Variants in STK4 observed in about 807,000 individuals in gnomAD.
STK4 encodes the protein serine/threonine-protein kinase 4.
STK4 carries 30 observed loss-of-function variants against 64.9 expected under a neutral mutation model. That is an observed-to-expected ratio of 0.46 (90% CI 0.35 to 0.63). The LOEUF (loss-of-function observed/expected upper bound fraction) is 0.63. Ranked by LOEUF, STK4 falls within the 20% of genes least tolerant of loss-of-function variation. The pLI is 0.01. For missense variants in STK4, 466 were observed against 598.5 expected, an observed-to-expected ratio of 0.78 and a Z score of 2.31; for synonymous variants, 177 against 199.0, an observed-to-expected ratio of 0.89 and a Z score of 0.93.
intron 2 of STK4, chr20:44,973,557 A>G (rs767667577): frequency 2.6e-5 from 4 of 152,276 alleles, no homozygotes; most frequent in Non-Finnish European, 5.9e-5. Context: ...CTCATAAGTT[A>G]TACTTAGAAT....
At chr20:45,043,536 G>A (rs2068646038) in intron 10 of STK4, among the ~76,000 whole-genome samples, 1 of 152,084 alleles carries the variant, frequency 6.6e-6, no homozygotes, top group Admixed American at 6.5e-5. Context: ...GAACCCATAG[G>A]ATACATTTTG....
At chr20:44,981,761 C>G (rs1056963894) in intron 3 of STK4, 68 bp from the exon 4 acceptor site, 26 of 931,624 alleles carry the variant, frequency 2.8e-5, no homozygotes, top group Non-Finnish European at 1.0e-5. Flanking sequence ...TTTGTATATA[C>G]TTGCTAGCAT....
chr20:44,971,907 G>A (rs545508516), intron 1 of STK4, among the ~76,000 whole-genome samples, 171 bp from the exon 2 acceptor site: 2 of 151,984 alleles, frequency 1.3e-5, no homozygotes, highest in African/African-American at 4.8e-5. Flanking sequence ...TCCTGATCTC[G>A]TGATCTGCCT....
chr20:44,993,986 A>G (rs1462677582), intron 5 of STK4, among the ~76,000 whole-genome samples: 1 of 152,026 alleles, frequency 6.6e-6, no homozygotes, highest in Non-Finnish European at 1.5e-5. Flanking sequence ...CTCAAAAAAA[A>G]AAAAAAAATC....
intron 10 of STK4, among the ~76,000 whole-genome samples, chr20:45,062,195 C>A (rs1979094301): frequency 6.6e-6 from 1 of 152,034 alleles, no homozygotes; most frequent in African/African-American, 2.4e-5. Flanking sequence ...ATTTGTTTTT[C>A]TGTTCCTGTG....
At chr20:45,074,636 C>G (rs1316702421) in intron 10 of STK4, among the ~76,000 whole-genome samples, 1 of 152,106 alleles carries the variant, frequency 6.6e-6, no homozygotes, top group Non-Finnish European at 1.5e-5. Flanking sequence ...GTAGACAGAA[C>G]AAGAACGGGG....
intron 10 of STK4, among the ~76,000 whole-genome samples, chr20:45,027,598 C>T (rs2068375194): frequency 6.6e-6 from 1 of 152,016 alleles, no homozygotes; most frequent in African/African-American, 2.4e-5. Context: ...TATCTATTAC[C>T]TCAGACGTTT....
At chr20:45,027,694 G>A (rs867586791) in intron 10 of STK4, among the ~76,000 whole-genome samples, 13 of 151,912 alleles carry the variant, frequency 8.6e-5, no homozygotes, top group East Asian at 1.9e-4. Flanking sequence ...CTGTACTATC[G>A]AATACTAGAA....
At chr20:45,065,648 T>C (rs1979504154) in intron 10 of STK4, among the ~76,000 whole-genome samples, 1 of 152,106 alleles carries the variant, frequency 6.6e-6, no homozygotes, top group South Asian at 2.1e-4. Context: ...AGCTTGTGAG[T>C]ATAGAGGTGT....
At chr20:44,988,533 G>GTGTGTGTGTGTGTATATA (rs1221720136) in intron 5 of STK4, among the ~76,000 whole-genome samples, 27 of 101,574 alleles carry the variant, frequency 2.7e-4, no homozygotes, top group African/African-American at 1.3e-3. Flanking sequence ...ATGTGTGTGT[G>GTGTGTGTGTGTGTATATA]TATATATATA....
At chr20:45,059,285 C>A (rs1233839085) in intron 10 of STK4, among the ~76,000 whole-genome samples, 1 of 152,154 alleles carries the variant, frequency 6.6e-6, no homozygotes, top group East Asian at 1.9e-4. Flanking sequence ...ATCTTAGCAG[C>A]CTTAGTGTAT....
intron 10 of STK4, among the ~76,000 whole-genome samples, chr20:45,042,289 A>G (rs1451120437): frequency 1.3e-5 from 2 of 151,722 alleles, no homozygotes; most frequent in African/African-American, 4.8e-5. Context: ...TTTTTCTCAC[A>G]CGAACTCTTG....
At chr20:45,010,591 C>G (rs971265064) in intron 9 of STK4, among the ~76,000 whole-genome samples, 2 of 152,112 alleles carry the variant, frequency 1.3e-5, no homozygotes, top group African/African-American at 4.8e-5. Flanking sequence ...AAGTAACATA[C>G]TTGTGATTAT....
intron 8 of STK4, 144 bp downstream of exon 8, chr20:45,000,664 C>T (rs573879585): frequency 4.2e-4 from 507 of 1,201,372 alleles, no homozygotes; most frequent in Middle Eastern, 4.0e-3. Flanking sequence ...CCTGGATCAA[C>T]GCATGCTAGA....
At chr20:44,996,603 T>C (rs2067735284) in intron 6 of STK4, among the ~76,000 whole-genome samples, 1 of 152,248 alleles carries the variant, frequency 6.6e-6, no homozygotes, top group South Asian at 2.1e-4. Context: ...GGAAATTTAA[T>C]AAATAATAGT....
In STK4 at chr20:45,076,712, C is replaced by G. The variant is rs1178361054; in HGVS notation, c.*1536C>G. 2 of 152,220 alleles carry G rather than the reference C, an allele frequency of 1.3e-5. No homozygotes were observed. Among genetic ancestry groups the G allele is most frequent in the African/African-American group, 2.4e-5 (1 of 41,442 alleles). The allele number at this position is 152,220 out of a possible 1,614,324, so 9.4% of individuals were successfully genotyped here. ...CATCTTCCTGCAACTTTACCTCTTT[C>G]CCTCAGATGGGGAGCCATGACTGGG... On this transcript the variant is annotated 3_prime_UTR_variant, in exon 11 of 11. Coordinates refer to ENST00000372806, the MANE Select transcript of STK4 (RefSeq NM_006282.5). This position sits in a 1 kb window ranked among gnomAD's most constrained non-coding sequence, Gnocchi z 4.0.
Position 44,997,234 on chromosome 20 carries a change from C to A in STK4, c.759C>A (p.Asn253Lys). The A allele has an allele frequency of 1.2e-6, 2 of 1,613,958 alleles. No homozygotes were observed. Among genetic ancestry groups the A allele is most frequent in the Non-Finnish European group, 1.7e-6 (2 of 1,179,906 alleles). The change falls in exon 7 of 11, where the codon AAC becomes AAA. Residue 253 changes from asparagine to lysine, a missense_variant. Asn to Lys is a moderately conservative substitution (Grantham distance 94). This residue lies in a region of STK4 where 276 missense variants were observed against 308.9 expected (regional missense o/e 0.89). Coordinates refer to ENST00000372806, the MANE Select transcript of STK4 (RefSeq NM_006282.5). ...TFRKPELWSDNFTDFVKQCLV... is the reference protein window; with the variant it reads ...TFRKPELWSDKFTDFVKQCLV... Reference sequence around the variant, plus strand: ...GAAAACCAGAGCTATGGTCAGATAACTTTACAGATTTTGTGAAACAGTGTC... The same window carrying A: ...GAAAACCAGAGCTATGGTCAGATAAATTTACAGATTTTGTGAAACAGTGTC...
In STK4 at chr20:45,000,440, A is replaced by C. The variant is rs1164016163; in HGVS notation, c.880A>C (p.Ile294Leu). 1 of 1,614,076 alleles carries C rather than the reference A, an allele frequency of 6.2e-7. No homozygotes were observed. Among genetic ancestry groups the C allele is most frequent in the South Asian group, 1.1e-5 (1 of 91,080 alleles). The change falls in exon 8 of 11, where the codon ATT becomes CTT. Residue 294 changes from isoleucine (I) to leucine (L), a missense_variant. Ile to Leu is a conservative substitution (Grantham distance 5). This residue lies in a region of STK4 where 276 missense variants were observed against 308.9 expected (regional missense o/e 0.89). Transcript: ENST00000372806. ...AGGAGTGTCAATACTGCGAGACTTA[A>C]TTAATGAAGCCATGGATGTGAAACT... ...AKGVSILRDL[I>L]NEAMDVKLKR...
At chr20:44,979,996 T>G (rs2067409120) in intron 3 of STK4, among the ~76,000 whole-genome samples, 1 of 152,164 alleles carries the variant, frequency 6.6e-6, no homozygotes, top group Non-Finnish European at 1.5e-5. Flanking sequence ...AAAGAAGAGA[T>G]ATTTTCAAGC....
Sources: gnomAD v4.1 joint callset for allele counts (sites outside exome capture counted in the v4.1 genomes callset) on GRCh38, gnomAD v4.1.1 for gene constraint, gnomAD v4.1.1 regional missense constraint, Gnocchi (gnomAD v3.1) non-coding constraint, MANE v1.5 for transcripts, NCBI Gene and HGNC (gene_info 2026-07-23, HGNC 2026-07-21) for gene names.